Variants in KCNT1 observed in about 807,000 individuals in gnomAD.
KCNT1 encodes the protein potassium sodium-activated channel subfamily T member 1.
KCNT1 carries 78 observed loss-of-function variants against 147.8 expected under a neutral mutation model. The ratio of observed to expected loss-of-function variants is 0.53; its 90% CI spans 0.44 to 0.64. KCNT1 has a LOEUF of 0.64. Among genes scored for constraint, KCNT1 ranks in the 30% least tolerant of loss-of-function variants. The probability of loss-of-function intolerance (pLI) is 0.00; values close to 1 mark genes in which losing one functional copy is unlikely to be tolerated. For synonymous variants in KCNT1, 867 were observed against 748.8 expected (o/e 1.16, Z -2.58); for missense variants, 1,419 against 1,750.3 (o/e 0.81, Z 3.38).
chr9:135,732,030 A>AGAGAGAGAGG (rs1836500865), intron 2 of KCNT1, among the ~76,000 whole-genome samples: 1 of 134,370 alleles, frequency 7.4e-6, no homozygotes, highest in Non-Finnish European at 1.6e-5. Flanking sequence ...AGAGAGAGAG[A>AGAGAGAGAGG]GAGAGAGAGA....
chr9:135,750,816 C>A, intron 3 of KCNT1, 126 bp from the exon 4 acceptor site: 1 of 798,222 alleles, frequency 1.3e-6, no homozygotes, highest in Non-Finnish European at 2.1e-6. Context: ...GCTCTGCGTG[C>A]AGCCCGGGTG....
rs1453766658 is a variant in KCNT1, at chr9:135,775,395, TGCTGCCTGCG to T, written c.2334_2343del (p.Cys778TrpfsTer22). ...CCTCCTGCCTGTGAAAGCCCCCTTC[TGCTGCCTGCG>T]GCTGGACAAGGTAAGGCTGGCGGCT... is the stretch of plus-strand genomic sequence containing the variant. On this transcript the variant is annotated frameshift_variant, in exon 20 of 31. Transcript: ENST00000371757. LOFTEE classifies it high-confidence loss of function. 6.2e-7 allele frequency: 1 copy of T among 1,610,536 alleles called. No individual in the cohort carries two copies. The highest frequency in any genetic ancestry group is 1.6e-4 in the Middle Eastern group (1 of 6,076).
intron 6 of KCNT1, among the ~76,000 whole-genome samples, chr9:135,755,577 A>C (rs1831430947): frequency 6.7e-6 from 1 of 149,452 alleles, no homozygotes; most frequent in African/African-American, 2.5e-5. Context: ...CACTGGGGAC[A>C]AACTCAGGCT....
chr9:135,781,515 G>C (rs557954335), intron 24 of KCNT1, among the ~76,000 whole-genome samples: 2 of 152,144 alleles, frequency 1.3e-5, no homozygotes, highest in Admixed American at 6.5e-5. Flanking sequence ...GCCAGCATAC[G>C]GTGACCTGCT....
At chr9:135,739,892 C>T (rs1830493659) in intron 2 of KCNT1, among the ~76,000 whole-genome samples, 1 of 152,170 alleles carries the variant, frequency 6.6e-6, no homozygotes, top group South Asian at 2.1e-4. Context: ...CCTCGGGGGA[C>T]ACCAGGCCCT....
chr9:135,746,091 C>T (rs894177981), intron 2 of KCNT1, among the ~76,000 whole-genome samples: 1 of 152,224 alleles, frequency 6.6e-6, no homozygotes, highest in Non-Finnish European at 1.5e-5. Flanking sequence ...GAAAATGGAT[C>T]GTTTTCATCT....
intron 4 of KCNT1, 69 bp downstream of exon 4, chr9:135,751,110 C>A: frequency 7.0e-7 from 1 of 1,432,114 alleles, no homozygotes; most frequent in East Asian, 2.3e-5. Context: ...TGGGCCGTTA[C>A]AGAAGCTGAT....
intron 2 of KCNT1, among the ~76,000 whole-genome samples, chr9:135,728,963 G>A (rs1449714502): frequency 6.6e-5 from 10 of 152,134 alleles, no homozygotes; most frequent in African/African-American, 2.4e-4. Context: ...ATATATCAAA[G>A]CCCCAACCCA....
At chr9:135,761,813 C>T (rs1269536666) in intron 11 of KCNT1, among the ~76,000 whole-genome samples, 1 of 152,162 alleles carries the variant, frequency 6.6e-6, no homozygotes, top group Non-Finnish European at 1.5e-5. Context: ...TCAACAGGGC[C>T]AATGCGTCCC....
At chr9:135,718,461 C>G (rs187518065) in intron 2 of KCNT1, among the ~76,000 whole-genome samples, 2 of 152,184 alleles carry the variant, frequency 1.3e-5, no homozygotes, top group African/African-American at 4.8e-5. Context: ...GACGGAAGGG[C>G]TGGTGTGCCC....
chr9:135,738,197 A>G (rs1830417266), intron 2 of KCNT1, among the ~76,000 whole-genome samples: 1 of 152,200 alleles, frequency 6.6e-6, no homozygotes, highest in Non-Finnish European at 1.5e-5. Context: ...CCGCATGTTC[A>G]TCCCAGCCCT....
At chr9:135,715,064 G>T (rs983186242) in intron 2 of KCNT1, among the ~76,000 whole-genome samples, 1 of 152,220 alleles carries the variant, frequency 6.6e-6, no homozygotes, top group African/African-American at 2.4e-5. Context: ...AGCCAGGGCC[G>T]GAAGCGCCCC....
chr9:135,775,549 T>C lies in KCNT1; in HGVS notation c.2349+134T>C, dbSNP rs1299070825. On this transcript the variant is annotated intron_variant, in intron 20 of 30. Transcript: ENST00000371757. ...ACTTCTAGCACAGCTGCAAGAATTC[T>C]GCAAGGGAGAGCCACAGATCCTTCA... 12 of 628,302 alleles carry C rather than the reference T, an allele frequency of 1.9e-5. No individual in the cohort carries two copies. The Admixed American group carries it at 3.6e-4, about 19-fold the overall frequency. 38.9% of individuals were successfully genotyped at this position (628,302 alleles called of 1,614,324 possible).
chr9:135,718,387 G>A (rs949233413), intron 2 of KCNT1, among the ~76,000 whole-genome samples: 7 of 152,198 alleles, frequency 4.6e-5, no homozygotes, highest in South Asian at 2.1e-4. Flanking sequence ...CCTGCCTGCC[G>A]GCTCTGGGTG....
Position 135,730,093 on chromosome 9 carries a change from A to C in KCNT1, c.254+15373A>C, listed in dbSNP as rs1333711500. The stretch of plus-strand genomic sequence containing the variant: ...TCTGCACTGTGCTGATCCTTCATCC[A>C]TGGGAGCTGTGCACCCCCAAATATA... On this transcript the variant is annotated intron_variant, in intron 2 of 30. Coordinates refer to ENST00000371757, the MANE Select transcript of KCNT1 (RefSeq NM_020822.3). The surrounding 1 kb of genome is among the most constrained non-coding windows in gnomAD (Gnocchi z 4.7). Among the ~76,000 whole-genome samples the C allele has an allele frequency of 6.6e-6, 1 of 152,102 alleles. No individual in the cohort carries two copies. The highest frequency in any genetic ancestry group is 1.5e-5 in the Non-Finnish European group (1 of 68,024).
At chr9:135,710,787 C>G (rs545672924) in intron 1 of KCNT1, among the ~76,000 whole-genome samples, 30 of 152,336 alleles carry the variant, frequency 2.0e-4, no homozygotes, top group Non-Finnish European at 3.8e-4. Context: ...TCATCAAATT[C>G]TGAGAAAATA....
In KCNT1 at chr9:135,786,517, C is replaced by T; in HGVS notation, c.3498C>T (p.Gly1166=). ...RMKHLGLPTT[G]YDEMNDHQNT... is the part of the protein sequence containing the mutation. Reference sequence around the variant, plus strand: ...AGCACCTGGGGCTGCCCACCACCGGCTACGGTAAGGGCACACGGCGCGGGT... The same window carrying T: ...AGCACCTGGGGCTGCCCACCACCGGTTACGGTAAGGGCACACGGCGCGGGT... The change falls in exon 29 of 31, where the codon GGC becomes GGT. Residue 1166 remains glycine (G), a synonymous_variant. Coordinates refer to ENST00000371757, the MANE Select transcript of KCNT1 (RefSeq NM_020822.3). 1 of 1,592,364 alleles carries T rather than the reference C, an allele frequency of 6.3e-7. No homozygotes were observed. Among genetic ancestry groups the T allele is most frequent in the Non-Finnish European group, 8.5e-7 (1 of 1,172,536 alleles).
intron 4 of KCNT1, among the ~76,000 whole-genome samples, chr9:135,753,447 C>T (rs1008976879): frequency 3.3e-5 from 5 of 152,180 alleles, no homozygotes; most frequent in South Asian, 2.1e-4. Flanking sequence ...AGCTTAGGGA[C>T]GTGCCTCTTG....
chr9:135,736,986 C>G, intron 2 of KCNT1: 1 of 291,762 alleles, frequency 3.4e-6, no homozygotes, highest in Non-Finnish European at 6.3e-6. Flanking sequence ...CCCCACTCCC[C>G]CCACGTAGGG....
Sources: allele counts gnomAD v4.1 joint callset (sites outside exome capture counted in the v4.1 genomes callset), GRCh38; gene constraint gnomAD v4.1.1; non-coding constraint Gnocchi (gnomAD v3.1); transcripts MANE v1.5; gene names NCBI Gene and HGNC (gene_info 2026-07-23, HGNC 2026-07-21).